EPM2A: variants seen among roughly 807,000 people sequenced by gnomAD.
EPM2A encodes EPM2A glucan phosphatase, laforin.
In EPM2A, 21 loss-of-function variants were observed where a neutral mutation model predicts 26.5. The observed-to-expected ratio is 0.79, with a 90% CI of 0.56 to 1.14. The LOEUF (loss-of-function observed/expected upper bound fraction) is 1.14. Among genes scored for constraint, EPM2A ranks in the 50% most tolerant of loss-of-function variants. EPM2A has a pLI of 0.00. For synonymous variants in EPM2A, 217 were observed against 177.6 expected (o/e 1.22, Z -1.76); for missense variants, 458 against 440.8 (o/e 1.04, Z -0.35).
In EPM2A at chr6:145,710,359, C is replaced by T. The variant is rs142801813; in HGVS notation, c.302-24063G>A. On this transcript the variant is annotated intron_variant, in intron 1 of 3. Coordinates refer to ENST00000367519, the MANE Select transcript of EPM2A (RefSeq NM_005670.4). Reference sequence around the variant, plus strand: ...CGAAGACATTTATGCAGCCAAAAAACACATGAAAAAATGCTCACCATCACT... The same window carrying T: ...CGAAGACATTTATGCAGCCAAAAAATACATGAAAAAATGCTCACCATCACT... Among the ~76,000 whole-genome samples, 421 of 152,280 alleles carry T rather than the reference C, an allele frequency of 2.8e-3. 5 individuals are homozygous for T. Among genetic ancestry groups the T allele is most frequent in the African/African-American group, 9.7e-3 (402 of 41,570 alleles).
rs1775863802 is a variant in EPM2A, at chr6:145,627,088, A to G, written c.*328T>C. On this transcript the variant is annotated 3_prime_UTR_variant, in exon 4 of 4. Coordinates refer to ENST00000367519, the MANE Select transcript of EPM2A (RefSeq NM_005670.4). ...AACAGGAAAGTGCTGTCACGGATCC[A>G]TCGTGCAACACATACAGTGCTGTAA... The G allele has an allele frequency of 1.6e-6, 2 of 1,231,020 alleles. No homozygotes were observed. Among genetic ancestry groups the G allele is most frequent in the Admixed American group, 3.8e-5 (1 of 26,192 alleles). 76.3% of individuals were successfully genotyped at this position (1,231,020 alleles called of 1,614,324 possible).
At chr6:145,551,365 A>G (rs903262760) in intron 2 of EPM2A, among the ~76,000 whole-genome samples, 10 of 151,928 alleles carry the variant, frequency 6.6e-5, no homozygotes, top group African/African-American at 2.4e-4. Flanking sequence ...GGAGAGGAGA[A>G]CTCAAGTTTC....
At chr6:145,532,525 T>C (rs1780372826) in intron 2 of EPM2A, among the ~76,000 whole-genome samples, 2 of 152,164 alleles carry the variant, frequency 1.3e-5, no homozygotes, top group Admixed American at 6.5e-5. Context: ...TTGATTACCT[T>C]GTAATGGTGT....
chr6:145,536,287 T>C (rs1780430649), intron 2 of EPM2A, among the ~76,000 whole-genome samples: 1 of 151,706 alleles, frequency 6.6e-6, no homozygotes, highest in Non-Finnish European at 1.5e-5. Context: ...GTTTTGGTTT[T>C]TGGTTTTGTT....
chr6:145,708,728 G>A (rs1475300166), intron 1 of EPM2A, among the ~76,000 whole-genome samples: 3 of 152,178 alleles, frequency 2.0e-5, no homozygotes, highest in Non-Finnish European at 4.4e-5. Flanking sequence ...TGGGATTGGA[G>A]CACCCACACA....
Position 145,562,094 on chromosome 6 carries a change from C to CAA in EPM2A, c.341-59521_341-59520dup, listed in dbSNP as rs11402553. 3.8e-4 allele frequency among the ~76,000 whole-genome samples: 47 copies of CAA among 124,066 alleles called. 2 individuals carry two copies. The South Asian group carries it at 9.6e-3, about 25-fold the overall frequency. 81.4% of individuals were successfully genotyped at this position (124,066 alleles called of 152,430 possible). On this transcript the variant is annotated intron_variant, in intron 2 of 3. Transcript: ENST00000450221. ...ATATACATTTTTGAAGAAAAAAATG[C>CAA]AAAAAAAACTAGCTTTCTTTTGATT...
chr6:145,407,398 C>A (rs1229178059), intron 4 of EPM2A, among the ~76,000 whole-genome samples: 1 of 152,072 alleles, frequency 6.6e-6, no homozygotes, highest in Non-Finnish European at 1.5e-5. Context: ...TCTAGAAGAG[C>A]CTCTAAAATT....
At chr6:145,562,741 T>G (rs1780826054) in intron 2 of EPM2A, among the ~76,000 whole-genome samples, 1 of 152,082 alleles carries the variant, frequency 6.6e-6, no homozygotes, top group African/African-American at 2.4e-5. Flanking sequence ...TCGAAGTCTT[T>G]CTTAGAGTTT....
chr6:145,614,218 T>A (rs1775458052), intron 2 of EPM2A, among the ~76,000 whole-genome samples: 3 of 152,256 alleles, frequency 2.0e-5, no homozygotes, highest in Non-Finnish European at 2.9e-5. Context: ...TTCAAACTTC[T>A]TCTCCAACCT....
downstream of EPM2A, among the ~76,000 whole-genome samples, chr6:145,499,851 A>C: frequency 6.6e-6 from 1 of 152,252 alleles, no homozygotes; most frequent in East Asian, 1.9e-4. Flanking sequence ...TAATTTAACC[A>C]AGATAAAGAG....
At chr6:145,714,449 A>G (rs1329037078) in intron 1 of EPM2A, among the ~76,000 whole-genome samples, 1 of 152,216 alleles carries the variant, frequency 6.6e-6, no homozygotes, top group African/African-American at 2.4e-5. Flanking sequence ...TTCTGGTCAT[A>G]AAAACATCAC....
At chr6:145,690,005 A>G (rs1781172133) in intron 1 of EPM2A, among the ~76,000 whole-genome samples, 1 of 152,094 alleles carries the variant, frequency 6.6e-6, no homozygotes, top group South Asian at 2.1e-4. Context: ...CCATGTAGGA[A>G]GCAGTAACAA....
intron 4 of EPM2A, among the ~76,000 whole-genome samples, chr6:145,400,114 C>T (rs190152226): frequency 5.9e-5 from 9 of 152,228 alleles, no homozygotes; most frequent in South Asian, 2.1e-4. Context: ...GGCTCTAAGT[C>T]CCTTGGCCAC....
At chr6:145,428,260 T>C (rs1411856369) in intron 4 of EPM2A, among the ~76,000 whole-genome samples, 3 of 152,286 alleles carry the variant, frequency 2.0e-5, no homozygotes, top group Non-Finnish European at 4.4e-5. Context: ...TCTGTATCTT[T>C]TATAAGTTCT....
In EPM2A at chr6:145,385,606, A is replaced by G. The variant is rs553097979; in HGVS notation, c.556-1509T>C. ...TTTTTATTTATCTGGGCATTTTTAT[A>G]TTTTTAAACTTTTTTTCCAGGCAAA... On this transcript the variant is annotated intron_variant, in intron 4 of 4. Transcript: ENST00000638717. 1.8e-4 allele frequency among the ~76,000 whole-genome samples: 27 copies of G among 152,202 alleles called. No homozygotes were observed. The South Asian group carries it at 5.6e-3, about 32-fold the overall frequency.
intron 4 of EPM2A, among the ~76,000 whole-genome samples, chr6:145,446,742 G>A (rs890682094): frequency 5.3e-5 from 8 of 151,836 alleles, no homozygotes; most frequent in African/African-American, 2.4e-5. Flanking sequence ...TTGGAAAATC[G>A]TCCCACACAT....
At chr6:145,649,968 T>G (rs1777756862) in intron 2 of EPM2A, among the ~76,000 whole-genome samples, 1 of 152,182 alleles carries the variant, frequency 6.6e-6, no homozygotes, top group Non-Finnish European at 1.5e-5. Flanking sequence ...TGGGCATTTC[T>G]ATTCCATCTA....
chr6:145,670,131 T>G (rs565913090), intron 2 of EPM2A, among the ~76,000 whole-genome samples: 4 of 152,264 alleles, frequency 2.6e-5, no homozygotes, highest in Admixed American at 6.5e-5. Flanking sequence ...TCATTAATTT[T>G]TCTCTACTCT....
chr6:145,400,715 A>T (rs1016211008), intron 4 of EPM2A, among the ~76,000 whole-genome samples: 2 of 152,216 alleles, frequency 1.3e-5, no homozygotes, highest in African/African-American at 4.8e-5. Context: ...CTTACTATGC[A>T]TGTACATGAC....
Sources: gnomAD v4.1 joint callset for allele counts (sites outside exome capture counted in the v4.1 genomes callset) on GRCh38, gnomAD v4.1.1 for gene constraint, MANE v1.5 for transcripts, NCBI Gene and HGNC (gene_info 2026-07-23, HGNC 2026-07-21) for gene names.